The following CEACAM5 variants were observed in gnomAD, a reference collection of about 807,000 sequenced individuals.
CEACAM5 encodes the protein CEA cell adhesion molecule 5.
In CEACAM5, 52 loss-of-function variants were observed where a neutral mutation model predicts 63.0. That is an observed-to-expected ratio of 0.83 (90% confidence interval 0.66 to 1.04). The LOEUF (loss-of-function observed/expected upper bound fraction) is 1.04. Among genes scored for constraint, CEACAM5 ranks in the 50% least tolerant of loss-of-function variants. The pLI, the probability that CEACAM5 is intolerant of heterozygous loss-of-function variation, is 0.00. For missense variants in CEACAM5, 790 were observed against 864.8 expected (o/e 0.91, Z 1.08); for synonymous variants, 357 against 351.3 (o/e 1.02, Z -0.18).
Position 41,719,983 on chromosome 19 carries a change from A to T in CEACAM5, c.1546A>T (p.Lys516Ter). 1.2e-6 allele frequency: 2 copies of T among 1,614,238 alleles called. No individual in the cohort carries two copies. Among genetic ancestry groups the T allele is most frequent in the Non-Finnish European group, 1.7e-6 (2 of 1,180,048 alleles). The change falls in exon 7 of 10, where the codon AAG becomes TAG. Residue 516 changes from lysine (K) to a stop codon, truncating the protein, a stop_gained. Transcript: ENST00000221992. LOFTEE classifies it high-confidence loss of function. ...SSNNSKPVED[K>*]DAVAFTCEPE... is the part of the protein sequence containing the mutation. ...CAACAACTCCAAACCCGTGGAGGAC[A>T]AGGATGCTGTGGCCTTCACCTGTGA...
In CEACAM5 at chr19:41,710,124, T is replaced by C. The variant is rs2072413182; in HGVS notation, c.424+85T>C. 5 of 1,536,380 alleles carry C rather than the reference T, an allele frequency of 3.3e-6. No homozygotes were observed. In the Admixed American group the frequency reaches 1.0e-4, roughly 31 times the overall value. ...GATTATCAGGCCTGGGCTGTGCCTG[T>C]GGCCCCCTCTGCATTACGCACCATG... is the stretch of plus-strand genomic sequence containing the variant. On this transcript the variant is annotated intron_variant, in intron 2 of 9. Coordinates refer to ENST00000221992, the MANE Select transcript of CEACAM5 (RefSeq NM_004363.6).
At chr19:41,725,043 GGAAA>G (rs1568712657) in intron 8 of CEACAM5, among the ~76,000 whole-genome samples, 2 of 152,102 alleles carry the variant, frequency 1.3e-5, no homozygotes, top group South Asian at 4.1e-4. Flanking sequence ...GGTCTTACAG[GGAAA>G]GCTTTCAGTC....
intron 2 of CEACAM5, among the ~76,000 whole-genome samples, chr19:41,710,345 C>T (rs1378225867): frequency 6.6e-6 from 1 of 152,142 alleles, no homozygotes; most frequent in Non-Finnish European, 1.5e-5. Flanking sequence ...CTGAGAAAGA[C>T]CCTGGAGAAC....
At chr19:41,717,353 C>T in intron 4 of CEACAM5, 102 bp from the exon 5 acceptor site, 1 of 1,271,314 alleles carries the variant, frequency 7.9e-7, no homozygotes, top group South Asian at 1.4e-5. Flanking sequence ...TTTAAGGACT[C>T]AGTTGGGCTG....
chr19:41,719,675 G>C (rs2072585407), intron 6 of CEACAM5, among the ~76,000 whole-genome samples: 1 of 152,168 alleles, frequency 6.6e-6, no homozygotes, highest in Non-Finnish European at 1.5e-5. Context: ...TCCCAGTCCT[G>C]GGTCTGTCCA....
In CEACAM5 at chr19:41,708,715, A is replaced by C. The variant is rs2072382251; in HGVS notation, c.-17A>C. 6.2e-7 allele frequency: 1 copy of C among 1,607,374 alleles called. No individual in the cohort carries two copies. Among genetic ancestry groups the C allele is most frequent in the Non-Finnish European group, 8.5e-7 (1 of 1,176,438 alleles). On this transcript the variant is annotated 5_prime_UTR_variant, in exon 1 of 10. Coordinates refer to ENST00000221992, the MANE Select transcript of CEACAM5 (RefSeq NM_004363.6). ...AGCTCTTCTCCACAGAGGAGGACAG[A>C]GCAGACAGCAGAGACCATGGAGTCT...
At position 41,720,316 on chromosome 19, in the gene CEACAM5, C is replaced by T. The variant is rs2072598992; in HGVS notation, c.1771+108C>T. ...GGTCCAAAGAGGCAGACTCCCACCCCTGGACACCCAGGCTGGCCATAACTT... is the reference window on the plus strand; with the variant it reads ...GGTCCAAAGAGGCAGACTCCCACCCTTGGACACCCAGGCTGGCCATAACTT... On this transcript the variant is annotated intron_variant, in intron 7 of 9. Transcript: ENST00000221992. 6.7e-6 allele frequency: 9 copies of T among 1,352,230 alleles called. 1 individual carries two copies. The South Asian group carries it at 1.1e-4, about 16-fold the overall frequency. 83.8% of individuals were successfully genotyped at this position (1,352,230 alleles called of 1,614,324 possible). A position where few individuals can be genotyped will look rare whatever the true frequency, so the allele number is the denominator to read the frequency against.
At position 41,718,228 on chromosome 19, in the gene CEACAM5, G is replaced by C; in HGVS notation, c.1338G>C (p.Gln446His). Residue 446 changes from glutamine (Q) to histidine (H), a missense_variant, in exon 6 of 10, where the codon CAG becomes CAC. Transcript: ENST00000221992. The stretch of plus-strand genomic sequence containing the variant: ...ATGCAGCCTCTAACCCACCTGCACA[G>C]TATTCTTGGCTGATTGATGGGAACA... ...SCHAASNPPAQYSWLIDGNIQ... is the reference protein window; with the variant it reads ...SCHAASNPPAHYSWLIDGNIQ... The C allele has an allele frequency of 1.9e-6, 3 of 1,614,204 alleles. No homozygotes were observed. Among genetic ancestry groups the C allele is most frequent in the Non-Finnish European group, 1.7e-6 (2 of 1,180,050 alleles).
At chr19:41,709,337 G>T (rs2072394167) in intron 1 of CEACAM5, among the ~76,000 whole-genome samples, 1 of 152,150 alleles carries the variant, frequency 6.6e-6, no homozygotes, top group South Asian at 2.1e-4. Flanking sequence ...AGCAGGGAAA[G>T]GTCAGAAAAG....
chr19:41,716,504 A>G (rs938678593), intron 4 of CEACAM5, among the ~76,000 whole-genome samples: 3 of 152,264 alleles, frequency 2.0e-5, no homozygotes, highest in Admixed American at 6.5e-5. Flanking sequence ...TCAACACCAA[A>G]GCTTCCCTTC....
chr19:41,713,994 C>T (rs1555814446), intron 2 of CEACAM5, among the ~76,000 whole-genome samples: 6 of 152,182 alleles, frequency 3.9e-5, no homozygotes, highest in Non-Finnish European at 1.5e-5. Context: ...GTGGGCAGAA[C>T]ACCTGAGGTC....
chr19:41,717,699 T>C lies in CEACAM5; in HGVS notation c.1203T>C (p.Val401=). 1 of 1,614,190 alleles carries C rather than the reference T, an allele frequency of 6.2e-7. No individual in the cohort carries two copies. Among genetic ancestry groups the C allele is most frequent in the Non-Finnish European group, 8.5e-7 (1 of 1,180,028 alleles). Residue 401 remains valine (V), a synonymous_variant, in exon 5 of 10, where the codon GTT becomes GTC. Coordinates refer to ENST00000221992, the MANE Select transcript of CEACAM5 (RefSeq NM_004363.6). ...YECGIQNELS[V]DHSDPVILNV... ...GTGGAATCCAGAACGAATTAAGTGT[T>C]GACCACAGCGACCCAGTCATCCTGA...
At chr19:41,722,148 A>G (rs1555816333) in intron 8 of CEACAM5, among the ~76,000 whole-genome samples, 1 of 152,136 alleles carries the variant, frequency 6.6e-6, no homozygotes, top group Admixed American at 6.5e-5. Flanking sequence ...CTGTAATCCC[A>G]GCACTTTGGG....
chr19:41,721,282 G>T lies in CEACAM5; in HGVS notation c.2026+106G>T. On this transcript the variant is annotated intron_variant, in intron 8 of 9. Coordinates refer to ENST00000221992, the MANE Select transcript of CEACAM5 (RefSeq NM_004363.6). ...TTCTTTCCCAGTCTGTGTTCCATGG[G>T]CACAAGGAAATCCCAAATTCTATCC... 6 of 1,327,264 alleles carry T rather than the reference G, an allele frequency of 4.5e-6. No individual in the cohort carries two copies. In the South Asian group the frequency reaches 6.7e-5, roughly 15 times the overall value. 82.2% of individuals were successfully genotyped at this position (1,327,264 alleles called of 1,614,324 possible). A position where few individuals can be genotyped will look rare whatever the true frequency, so the allele number is the denominator to read the frequency against.
chr19:41,711,570 C>A (rs1255982273), intron 2 of CEACAM5, among the ~76,000 whole-genome samples: 5 of 152,106 alleles, frequency 3.3e-5, no homozygotes, highest in Non-Finnish European at 7.4e-5. Context: ...CCGAAAGCCA[C>A]CCTATCTCAT....
chr19:41,718,587 A>C (rs900394786), intron 6 of CEACAM5, among the ~76,000 whole-genome samples: 1 of 152,086 alleles, frequency 6.6e-6, no homozygotes, highest in Admixed American at 6.6e-5. Flanking sequence ...CCTTGTGTCC[A>C]CCCTGAGAAA....
chr19:41,727,399 C>G, intron 9 of CEACAM5, 47 bp downstream of exon 9: 1 of 952,572 alleles, frequency 1.0e-6, no homozygotes, highest in Admixed American at 2.0e-5. Flanking sequence ...GCAGTGCTGA[C>G]TGCCATGCTT....
In CEACAM5 at chr19:41,715,903, T is replaced by C. The variant is rs782127490; in HGVS notation, c.957T>C (p.Tyr319=). Residue 319 remains tyrosine, a splice_region_variant and synonymous_variant, in exon 4 of 10, where the codon TAT becomes TAC. Transcript: ENST00000221992. The part of the protein sequence containing the change: ...NRTTVTTITV[Y]AEPPKPFITS... The stretch of plus-strand genomic sequence containing the variant: ...CCACAGTCACGACGATCACAGTCTA[T>C]GGTAAGTGGATCCACGAAGCACTGA... 21 of 1,612,326 alleles carry C rather than the reference T, an allele frequency of 1.3e-5. No homozygotes were observed. The highest frequency in any genetic ancestry group is 4.5e-5 in the East Asian group (2 of 44,862).
At position 41,729,343 on chromosome 19, in the gene CEACAM5, G is replaced by T. The variant is rs2072742199; in HGVS notation, c.*196G>T. ...CTACTAAAAATACAAAAATGAGCTGGGCTTGGTGGCGCACACCTGTAGTCC... is the reference window on the plus strand; with the variant it reads ...CTACTAAAAATACAAAAATGAGCTGTGCTTGGTGGCGCACACCTGTAGTCC... On this transcript the variant is annotated 3_prime_UTR_variant, in exon 10 of 10. Transcript: ENST00000221992. 6.6e-6 allele frequency: 1 copy of T among 152,074 alleles called. No homozygotes were observed. Among genetic ancestry groups the T allele is most frequent in the Admixed American group, 6.5e-5 (1 of 15,268 alleles). The allele number at this position is 152,074 out of a possible 1,614,324, so 9.4% of individuals were successfully genotyped here. A position where few individuals can be genotyped will look rare whatever the true frequency, so the allele number is the denominator to read the frequency against.
Sources: allele counts gnomAD v4.1 joint callset (sites outside exome capture counted in the v4.1 genomes callset), GRCh38; gene constraint gnomAD v4.1.1; transcripts MANE v1.5; gene names NCBI Gene and HGNC (gene_info 2026-07-23, HGNC 2026-07-21).